Variants in KDM6A observed in about 807,000 individuals in gnomAD.
KDM6A encodes the protein lysine demethylase 6A.
KDM6A carries 11 observed loss-of-function variants against 117.6 expected under a neutral mutation model. The ratio of observed to expected loss-of-function variants is 0.09; its 90% confidence interval spans 0.06 to 0.15. The LOEUF is 0.15. KDM6A is among the 10% of genes least tolerant of loss of function. The pLI is 1.00. For missense variants in KDM6A, 799 were observed against 1,077.3 expected (o/e 0.74, Z 3.62); for synonymous variants, 384 against 396.1 (o/e 0.97, Z 0.36).
At chrX:44,896,993 C>T (rs1028154719) in intron 2 of KDM6A, among the ~76,000 whole-genome samples, 11 of 110,397 alleles carry the variant, frequency 1.0e-4, no homozygotes, top group African/African-American at 3.6e-4. Flanking sequence ...CTTTTTGTAT[C>T]TTTAGCGTAT....
chrX:45,108,280 G>C (rs768964865), intron 28 of KDM6A, among the ~76,000 whole-genome samples: 236 of 111,410 alleles, frequency 2.1e-3, no homozygotes, highest in Non-Finnish European at 3.8e-3. Flanking sequence ...TTTAGAAAAG[G>C]TTGAATGTGT....
intron 2 of KDM6A, among the ~76,000 whole-genome samples, chrX:44,942,699 G>A (rs1204113899): frequency 9.2e-6 from 1 of 109,123 alleles, no homozygotes; most frequent in Non-Finnish European, 1.9e-5. Context: ...AATTAGGGGG[G>A]ATTGATATTA....
intron 4 of KDM6A, among the ~76,000 whole-genome samples, chrX:44,988,663 C>T (rs1316577446): frequency 9.0e-6 from 1 of 111,427 alleles, no homozygotes; most frequent in African/African-American, 3.3e-5. Flanking sequence ...TTGGAGTTTG[C>T]TGGAGGTCCA....
chrX:45,078,846 A>G (rs1450371587), intron 20 of KDM6A, among the ~76,000 whole-genome samples: 5 of 110,843 alleles, frequency 4.5e-5, no homozygotes, highest in African/African-American at 1.6e-4. Flanking sequence ...ACTAATAAAT[A>G]CTATAGCCCC....
intron 2 of KDM6A, among the ~76,000 whole-genome samples, chrX:44,906,415 T>G (rs1396837906): frequency 9.1e-6 from 1 of 110,276 alleles, no homozygotes; most frequent in Non-Finnish European, 1.9e-5. Flanking sequence ...CCTCCCAAAT[T>G]GCTGAGATTA....
intron 6 of KDM6A, among the ~76,000 whole-genome samples, chrX:45,021,714 G>C (rs951092788): frequency 4.5e-5 from 5 of 112,114 alleles, no homozygotes; most frequent in Admixed American, 1.9e-4. Context: ...GTTAAAGAGA[G>C]AGGGAGGTAC....
chrX:44,996,344 G>C (rs932358656), intron 4 of KDM6A, among the ~76,000 whole-genome samples: 8 of 109,726 alleles, frequency 7.3e-5, no homozygotes, highest in African/African-American at 2.6e-4. Flanking sequence ...CAAAGCGGTG[G>C]GATTACAGGT....
At chrX:45,089,626 T>G in intron 25 of KDM6A, 117 bp from the exon 26 acceptor site, 1 of 542,848 alleles carries the variant, frequency 1.8e-6, no homozygotes, top group Non-Finnish European at 3.2e-6. Context: ...CACAAGCAAT[T>G]ATGTTTCAAT....
intron 2 of KDM6A, among the ~76,000 whole-genome samples, chrX:44,944,548 A>G (rs761091988): frequency 9.0e-6 from 1 of 111,681 alleles, no homozygotes; most frequent in East Asian, 2.8e-4. Context: ...CAATTTCATG[A>G]ACACAGTATC....
intron 2 of KDM6A, among the ~76,000 whole-genome samples, chrX:44,904,204 G>T (rs2034517534): frequency 8.9e-6 from 1 of 111,949 alleles, no homozygotes; most frequent in Admixed American, 9.5e-5. Flanking sequence ...GTTTATTTTA[G>T]TGAGTGACTT....
At chrX:45,043,255 G>T (rs190711153) in intron 8 of KDM6A, among the ~76,000 whole-genome samples, 3 of 110,633 alleles carry the variant, frequency 2.7e-5, no homozygotes, top group Non-Finnish European at 5.7e-5. Flanking sequence ...TCGCCACTGC[G>T]CTCCAGCCTG....
chrX:44,947,468 C>T (rs967007169), intron 2 of KDM6A, among the ~76,000 whole-genome samples: 11 of 108,891 alleles, frequency 1.0e-4, no homozygotes, highest in Non-Finnish European at 3.8e-5. Context: ...CTCCGCCTCC[C>T]GGGTCCATGC....
chrX:44,902,371 T>A (rs1458281387), intron 2 of KDM6A, among the ~76,000 whole-genome samples: 3 of 110,688 alleles, frequency 2.7e-5, no homozygotes, highest in Non-Finnish European at 5.7e-5. Flanking sequence ...TCTGTTGTTT[T>A]TGTTCTGTAT....
At chrX:44,942,280 G>A (rs918951529) in intron 2 of KDM6A, among the ~76,000 whole-genome samples, 7 of 110,698 alleles carry the variant, frequency 6.3e-5, no homozygotes, top group Non-Finnish European at 1.1e-4. Flanking sequence ...TGATGCACCC[G>A]TGTTTGCTTC....
chrX:45,015,893 G>A (rs940436591), intron 5 of KDM6A, among the ~76,000 whole-genome samples: 1 of 111,611 alleles, frequency 9.0e-6, no homozygotes, highest in Non-Finnish European at 1.9e-5. Flanking sequence ...TCTTGCAATA[G>A]GGTAGGGGAA....
chrX:44,950,322 C>T (rs748080686), intron 2 of KDM6A, among the ~76,000 whole-genome samples: 2 of 111,633 alleles, frequency 1.8e-5, no homozygotes, highest in South Asian at 7.4e-4. Context: ...CCCGGCCTTG[C>T]CAACTTTTTC....
At chrX:45,082,861 C>G in intron 23 of KDM6A, 72 bp downstream of exon 23, 1 of 668,628 alleles carries the variant, frequency 1.5e-6, no homozygotes, top group East Asian at 3.3e-5. Context: ...GAATTCTCTA[C>G]AATTTCCTCT....
chrX:45,052,053 T>C, intron 9 of KDM6A, among the ~76,000 whole-genome samples: 1 of 112,173 alleles, frequency 8.9e-6, no homozygotes, highest in East Asian at 2.8e-4. Flanking sequence ...CCAAGGAGGA[T>C]TGAATACTTC....
intron 10 of KDM6A, among the ~76,000 whole-genome samples, chrX:45,055,744 G>C (rs1602769335): frequency 9.0e-6 from 1 of 111,634 alleles, no homozygotes; most frequent in East Asian, 2.8e-4. Flanking sequence ...AACAGTAGGT[G>C]CCTGTCTCTT....
Sources: allele counts gnomAD v4.1 joint callset (sites outside exome capture counted in the v4.1 genomes callset), GRCh38; gene constraint gnomAD v4.1.1; transcripts MANE v1.5; gene names NCBI Gene and HGNC (gene_info 2026-07-23, HGNC 2026-07-21).